The following FCHSD2 variants were observed in gnomAD, a reference collection of about 807,000 sequenced individuals.
The protein encoded by FCHSD2 is F-BAR and double SH3 domains protein 2.
In FCHSD2, 38 loss-of-function variants were observed where a neutral mutation model predicts 108.1. That is an observed-to-expected ratio of 0.35 (90% confidence interval 0.27 to 0.46). The LOEUF (loss-of-function observed/expected upper bound fraction) is 0.46, where lower values mean the gene tolerates loss of function less well. Ranked by LOEUF, FCHSD2 falls within the 20% of genes least tolerant of loss-of-function variation. The pLI, the probability that FCHSD2 is intolerant of heterozygous loss-of-function variation, is 1.00. For missense variants in FCHSD2, 751 were observed against 897.8 expected, an observed-to-expected ratio of 0.84 and a Z score of 2.09; for synonymous variants, 279 against 314.7, an observed-to-expected ratio of 0.89 and a Z score of 1.20.
intron 2 of FCHSD2, among the ~76,000 whole-genome samples, chr11:73,103,904 T>C (rs1422445399): frequency 6.6e-6 from 1 of 152,210 alleles, no homozygotes; most frequent in African/African-American, 2.4e-5. Flanking sequence ...AGCCTTTAAA[T>C]TTTTTAAAAG....
chr11:72,924,679 C>CT (rs200855476), intron 8 of FCHSD2, among the ~76,000 whole-genome samples: 10,314 of 138,474 alleles, frequency 0.074, 467 homozygotes, highest in South Asian at 0.16. Flanking sequence ...TTCCATTAAA[C>CT]TTTTTTTTTT....
At chr11:73,029,957 T>A (rs1028842886) in intron 3 of FCHSD2, among the ~76,000 whole-genome samples, 1 of 151,846 alleles carries the variant, frequency 6.6e-6, no homozygotes, top group Non-Finnish European at 1.5e-5. Flanking sequence ...TAGCAAAACC[T>A]CAGAAAGAGG....
At chr11:73,139,839 A>G (rs868677595) in intron 2 of FCHSD2, among the ~76,000 whole-genome samples, 192 bp downstream of exon 2, 32 of 152,354 alleles carry the variant, frequency 2.1e-4, no homozygotes, top group Middle Eastern at 6.8e-3. Flanking sequence ...TGTGCATTAT[A>G]GGTCCCCCAC....
chr11:73,042,668 G>T (rs546335273), intron 3 of FCHSD2, among the ~76,000 whole-genome samples: 1 of 152,080 alleles, frequency 6.6e-6, no homozygotes, highest in South Asian at 2.1e-4. Context: ...TGTTAACAAT[G>T]TTCATTCTTC....
At chr11:72,925,166 G>A (rs1453425716) in intron 8 of FCHSD2, among the ~76,000 whole-genome samples, 2 of 152,160 alleles carry the variant, frequency 1.3e-5, no homozygotes, top group Non-Finnish European at 2.9e-5. Flanking sequence ...TGTGCTAGCT[G>A]TATGGGTGCA....
chr11:73,022,264 T>C (rs966498572), intron 3 of FCHSD2, among the ~76,000 whole-genome samples: 1 of 152,090 alleles, frequency 6.6e-6, no homozygotes, highest in African/African-American at 2.4e-5. Flanking sequence ...CCCTACTTAG[T>C]ACAATAAGGC....
At chr11:72,923,856 T>A (rs910615051) in intron 8 of FCHSD2, among the ~76,000 whole-genome samples, 1 of 152,172 alleles carries the variant, frequency 6.6e-6, no homozygotes, top group Non-Finnish European at 1.5e-5. Flanking sequence ...GGAGAACTGC[T>A]TGTACCCAGG....
intron 4 of FCHSD2, among the ~76,000 whole-genome samples, chr11:73,007,786 G>C (rs1229001088): frequency 2.6e-5 from 4 of 152,042 alleles, no homozygotes; most frequent in Non-Finnish European, 5.9e-5. Context: ...TAAAACTAAC[G>C]AATTCTGAAT....
intron 3 of FCHSD2, among the ~76,000 whole-genome samples, chr11:73,048,672 C>T (rs1858822711): frequency 6.6e-6 from 1 of 152,186 alleles, no homozygotes; most frequent in Non-Finnish European, 1.5e-5. Context: ...TGCCATGCCT[C>T]TTAAAGCCTC....
chr11:73,001,753 C>T (rs1283502160), intron 4 of FCHSD2, among the ~76,000 whole-genome samples: 2 of 152,244 alleles, frequency 1.3e-5, no homozygotes, highest in Non-Finnish European at 1.5e-5. Context: ...TGTGGCTCTA[C>T]ATCTGTCTCC....
chr11:72,928,382 C>T (rs1856120846), intron 8 of FCHSD2, among the ~76,000 whole-genome samples: 1 of 152,196 alleles, frequency 6.6e-6, no homozygotes, highest in Admixed American at 6.5e-5. Context: ...CATCACTGTT[C>T]TCTGCATTAT....
At chr11:72,932,295 T>A (rs1440842971) in intron 8 of FCHSD2, among the ~76,000 whole-genome samples, 1 of 152,176 alleles carries the variant, frequency 6.6e-6, no homozygotes, top group Non-Finnish European at 1.5e-5. Flanking sequence ...CAACTCTCCC[T>A]CTCACCAACT....
intron 3 of FCHSD2, among the ~76,000 whole-genome samples, chr11:73,065,338 G>C (rs34809010): frequency 1.3e-5 from 2 of 152,116 alleles, no homozygotes; most frequent in Non-Finnish European, 2.9e-5. Context: ...AATAAACTGG[G>C]TATCAATGGA....
intron 3 of FCHSD2, among the ~76,000 whole-genome samples, chr11:73,037,337 CTA>C (rs1379620503): frequency 1.3e-5 from 2 of 152,156 alleles, no homozygotes; most frequent in Non-Finnish European, 2.9e-5. Flanking sequence ...GCTGTACAGT[CTA>C]TGTGTCTGGA....
chr11:72,924,699 A>C (rs78693033), intron 8 of FCHSD2, among the ~76,000 whole-genome samples: 1 of 148,980 alleles, frequency 6.7e-6, no homozygotes, highest in African/African-American at 2.5e-5. Context: ...TTTTTTTTAA[A>C]TACACAAATT....
At chr11:73,133,975 A>C (rs1861063893) in intron 2 of FCHSD2, among the ~76,000 whole-genome samples, 1 of 151,818 alleles carries the variant, frequency 6.6e-6, no homozygotes, top group Non-Finnish European at 1.5e-5. Context: ...AATTGGCGTG[A>C]CGATTGTACA....
chr11:73,069,417 GA>G (rs954807588), intron 3 of FCHSD2, among the ~76,000 whole-genome samples: 1 of 144,352 alleles, frequency 6.9e-6, no homozygotes. Flanking sequence ...ACACAGAACT[GA>G]AAAAAAACTG....
intron 5 of FCHSD2, among the ~76,000 whole-genome samples, chr11:72,996,014 G>T (rs543560850): frequency 6.6e-6 from 1 of 152,132 alleles, no homozygotes; most frequent in Admixed American, 6.5e-5. Context: ...AAACATAAAG[G>T]TTATGTAGAA....
chr11:72,925,112 A>G (rs1395258938), intron 8 of FCHSD2, among the ~76,000 whole-genome samples: 1 of 152,190 alleles, frequency 6.6e-6, no homozygotes, highest in Non-Finnish European at 1.5e-5. Flanking sequence ...CACAGTTTCT[A>G]TTATCTCAGT....
Sources: gnomAD v4.1 joint callset for allele counts (sites outside exome capture counted in the v4.1 genomes callset) on GRCh38, gnomAD v4.1.1 for gene constraint, MANE v1.5 for transcripts, NCBI Gene and HGNC (gene_info 2026-07-23, HGNC 2026-07-21) for gene names.